Variants in KCNT2 observed in about 807,000 individuals in gnomAD.
KCNT2 encodes the protein potassium sodium-activated channel subfamily T member 2, also known as potassium channel subfamily T member 2.
A neutral mutation model predicts 153.8 loss-of-function variants in KCNT2; 67 were observed. That is an observed-to-expected ratio of 0.44 (90% CI 0.36 to 0.53). The LOEUF is 0.53. Ranked by LOEUF, KCNT2 falls within the 20% of genes least tolerant of loss-of-function variation. The pLI is 0.00. For synonymous variants in KCNT2, 500 were observed against 458.8 expected, an observed-to-expected ratio of 1.09 and a Z score of -1.15; for missense variants, 975 against 1,354.8, an observed-to-expected ratio of 0.72 and a Z score of 4.40.
chr1:196,466,419 A>G (rs751512049), intron 7 of KCNT2, among the ~76,000 whole-genome samples: 3 of 152,036 alleles, frequency 2.0e-5, no homozygotes, highest in Non-Finnish European at 4.4e-5. Flanking sequence ...AAATGTTTAG[A>G]AACATTCATC....
intron 1 of KCNT2, among the ~76,000 whole-genome samples, chr1:196,556,309 T>G (rs1185588125): frequency 6.6e-6 from 1 of 151,240 alleles, no homozygotes; most frequent in Admixed American, 6.6e-5. Flanking sequence ...AGGAAAACCA[T>G]CTAATAATTC....
chr1:196,238,498 C>A (rs554410939), intron 26 of KCNT2, among the ~76,000 whole-genome samples: 7 of 151,932 alleles, frequency 4.6e-5, no homozygotes, highest in Non-Finnish European at 1.0e-4. Flanking sequence ...TGGTTTCTTT[C>A]CTCACCCCTC....
chr1:196,305,297 G>A lies in KCNT2; in HGVS notation c.2532C>T (p.Asn844=), dbSNP rs188955542. The A allele has an allele frequency of 9.9e-6, 16 of 1,612,856 alleles. No homozygotes were observed. The African/African-American group carries it at 1.5e-4, about 15-fold the overall frequency. The change falls in exon 22 of 28, where the codon AAC becomes AAT. Residue 844 remains asparagine (N), a synonymous_variant. Coordinates refer to ENST00000294725, the MANE Select transcript of KCNT2 (RefSeq NM_198503.5). ...TGGCTCTGAATTGCATGAATCTCATGTTGGCGGGGTGAGTTAGCTCTGTGA... is the reference window on the plus strand; with the variant it reads ...TGGCTCTGAATTGCATGAATCTCATATTGGCGGGGTGAGTTAGCTCTGTGA... The part of the protein sequence containing the change: ...SIITELTHPA[N]MRFMQFRAKD...
intron 15 of KCNT2, 105 bp downstream of exon 15, chr1:196,341,974 T>C: frequency 1.7e-6 from 2 of 1,159,488 alleles, no homozygotes; most frequent in Non-Finnish European, 2.4e-6. Context: ...AATTCCGGAA[T>C]GCCTAAACAC....
intron 3 of KCNT2, among the ~76,000 whole-genome samples, chr1:196,489,270 G>A (rs1025714474): frequency 6.6e-6 from 1 of 151,878 alleles, no homozygotes; most frequent in African/African-American, 2.4e-5. Context: ...AATAACTATT[G>A]TTTGCCACTT....
At chr1:196,566,231 A>G (rs1433059992) in intron 1 of KCNT2, among the ~76,000 whole-genome samples, 1 of 151,878 alleles carries the variant, frequency 6.6e-6, no homozygotes, top group Non-Finnish European at 1.5e-5. Flanking sequence ...CAAACAATGA[A>G]AAAATGACCT....
intron 1 of KCNT2, among the ~76,000 whole-genome samples, chr1:196,553,090 G>A (rs768782005): frequency 1.5e-4 from 22 of 150,846 alleles, no homozygotes; most frequent in Non-Finnish European, 2.8e-4. Context: ...AAATGTAAAT[G>A]GACTAAACTC....
In KCNT2 at chr1:196,258,177, G is replaced by C; in HGVS notation, c.3211+17C>G. 6.2e-7 allele frequency: 1 copy of C among 1,611,298 alleles called. No individual in the cohort carries two copies. Among genetic ancestry groups the C allele is most frequent in the Non-Finnish European group, 8.5e-7 (1 of 1,178,832 alleles). On this transcript the variant is annotated intron_variant, in intron 26 of 27. Coordinates refer to ENST00000294725, the MANE Select transcript of KCNT2 (RefSeq NM_198503.5). ...AAATCACGAGTCCATATATACAGTA[G>C]TTTTTAAAGAGCATACCATATCCCA...
At chr1:196,404,332 T>C (rs910275248) in intron 12 of KCNT2, among the ~76,000 whole-genome samples, 4 of 151,656 alleles carry the variant, frequency 2.6e-5, no homozygotes, top group Non-Finnish European at 4.4e-5. Flanking sequence ...TCTTATCAGA[T>C]GCAGTTTTTT....
At chr1:196,535,595 A>C (rs1655444315) in intron 1 of KCNT2, among the ~76,000 whole-genome samples, 1 of 152,226 alleles carries the variant, frequency 6.6e-6, no homozygotes, top group African/African-American at 2.4e-5. Flanking sequence ...CAAGGTTATA[A>C]AATGACTATA....
chr1:196,433,643 T>C (rs2878557), intron 8 of KCNT2, among the ~76,000 whole-genome samples: 94,069 of 151,912 alleles, frequency 0.62, 29,850 homozygotes, highest in Middle Eastern at 0.76. Flanking sequence ...TATTTGTGAA[T>C]ACTCACTATG....
chr1:196,283,894 G>T (rs1324605578), intron 23 of KCNT2, among the ~76,000 whole-genome samples: 1 of 151,890 alleles, frequency 6.6e-6, no homozygotes, highest in Non-Finnish European at 1.5e-5. Flanking sequence ...ACACACAAAT[G>T]CAGGTATGTA....
intron 25 of KCNT2, among the ~76,000 whole-genome samples, chr1:196,274,996 C>A (rs1056921733): frequency 6.6e-6 from 1 of 151,756 alleles, no homozygotes; most frequent in African/African-American, 2.4e-5. Flanking sequence ...CCTAGGTAGC[C>A]TTCATTTTCA....
intron 8 of KCNT2, among the ~76,000 whole-genome samples, chr1:196,432,689 C>T (rs757316512): frequency 3.4e-4 from 51 of 152,044 alleles, no homozygotes; most frequent in South Asian, 8.3e-4. Context: ...ATTTTGGAAG[C>T]ACAAAACTTG....
chr1:196,424,085 C>T (rs757577954), intron 11 of KCNT2, among the ~76,000 whole-genome samples: 1 of 151,774 alleles, frequency 6.6e-6, no homozygotes, highest in Non-Finnish European at 1.5e-5. Flanking sequence ...TAGAGTATGA[C>T]CAGATAGCTA....
chr1:196,271,183 G>C (rs188970921), intron 25 of KCNT2, among the ~76,000 whole-genome samples: 33 of 151,830 alleles, frequency 2.2e-4, no homozygotes, highest in Non-Finnish European at 2.8e-4. Context: ...TATAAGACCT[G>C]GTAAATACAA....
Position 196,394,982 on chromosome 1 carries a change from A to G in KCNT2, c.1294+3581T>C, listed in dbSNP as rs181201188. On this transcript the variant is annotated intron_variant, in intron 13 of 27. Coordinates refer to ENST00000294725, the MANE Select transcript of KCNT2 (RefSeq NM_198503.5). ...GAAGTTCTTTGGTCCTAGCTTTCCA[A>G]TAGATTTTTTTTTTTAAGTTTTAAT... Among the ~76,000 whole-genome samples, 8 of 149,866 alleles carry G rather than the reference A, an allele frequency of 5.3e-5. No individual in the cohort carries two copies. In the East Asian group the frequency reaches 1.6e-3, roughly 29 times the overall value.
At chr1:196,583,077 G>A (rs182663037) in intron 1 of KCNT2, among the ~76,000 whole-genome samples, 5 of 152,164 alleles carry the variant, frequency 3.3e-5, no homozygotes, top group Admixed American at 1.3e-4. Context: ...ATTCCAGAGA[G>A]AGGAATTGTC....
intron 12 of KCNT2, among the ~76,000 whole-genome samples, chr1:196,402,856 A>G (rs1376903411): frequency 2.6e-5 from 4 of 151,612 alleles, no homozygotes; most frequent in Non-Finnish European, 5.9e-5. Context: ...GCAAATTAAA[A>G]CAGTAAGACA....
Sources: allele counts gnomAD v4.1 joint callset (sites outside exome capture counted in the v4.1 genomes callset), GRCh38; gene constraint gnomAD v4.1.1; transcripts MANE v1.5; gene names NCBI Gene and HGNC (gene_info 2026-07-23, HGNC 2026-07-21).